Variants in NAALADL2 observed in about 807,000 individuals in gnomAD.
NAALADL2 encodes the protein inactive N-acetylated-alpha-linked acidic dipeptidase-like protein 2.
Under a neutral mutation model 87.2 loss-of-function variants are expected in NAALADL2, and 76 were observed. The observed-to-expected ratio is 0.87, with a 90% CI of 0.72 to 1.05. NAALADL2 has a LOEUF of 1.05. Ranked by LOEUF, NAALADL2 falls within the 50% of genes least tolerant of loss-of-function variation. The pLI is 0.00. For missense variants in NAALADL2, 1,089 were observed against 945.8 expected (o/e 1.15, Z -1.99); for synonymous variants, 354 against 331.0 (o/e 1.07, Z -0.75).
At chr3:175,024,189 A>G (rs1319599074) in intron 1 of NAALADL2, among the ~76,000 whole-genome samples, 1 of 151,836 alleles carries the variant, frequency 6.6e-6, no homozygotes, top group East Asian at 1.9e-4. Flanking sequence ...CACTTTATAT[A>G]TTATATTTAT....
chr3:175,022,746 A>G (rs1751719530), intron 1 of NAALADL2, among the ~76,000 whole-genome samples: 1 of 152,062 alleles, frequency 6.6e-6, no homozygotes, highest in Non-Finnish European at 1.5e-5. Context: ...ATTGACTGGG[A>G]ATGTATTGAC....
In NAALADL2 at chr3:175,809,376, T is replaced by C. The variant is rs2108389494; in HGVS notation, c.*6173T>C. ...AAGGTTTAATGGCAAATATTCCTTA[T>C]ATTCTAACTTGCTACTTGGAGAATA... On this transcript the variant is annotated 3_prime_UTR_variant, in exon 14 of 14. Transcript: ENST00000454872. 6.6e-6 allele frequency: 1 copy of C among 151,892 alleles called. No homozygotes were observed. The highest frequency in any genetic ancestry group is 1.9e-4 in the East Asian group (1 of 5,156). 9.4% of individuals were successfully genotyped at this position (151,892 alleles called of 1,614,324 possible). A position where few individuals can be genotyped will look rare whatever the true frequency, so the allele number is the denominator to read the frequency against.
intron 1 of NAALADL2, among the ~76,000 whole-genome samples, chr3:175,045,441 C>G (rs1754552447): frequency 6.6e-6 from 1 of 152,064 alleles, no homozygotes; most frequent in Non-Finnish European, 1.5e-5. Context: ...ATTTCCTTGA[C>G]TGTTTATCCT....
At chr3:175,542,909 T>C (rs1334354803) in intron 9 of NAALADL2, among the ~76,000 whole-genome samples, 1 of 152,158 alleles carries the variant, frequency 6.6e-6, no homozygotes, top group Non-Finnish European at 1.5e-5. Context: ...GGAAAATGGG[T>C]AATAGACTGG....
chr3:175,756,581 CA>C (rs1747288301), intron 13 of NAALADL2, among the ~76,000 whole-genome samples: 1 of 152,074 alleles, frequency 6.6e-6, no homozygotes, highest in Non-Finnish European at 1.5e-5. Context: ...AACAGAAAAT[CA>C]AATACCGCAT....
intron 3 of NAALADL2, among the ~76,000 whole-genome samples, chr3:174,753,982 C>T (rs1053474073): frequency 6.6e-6 from 1 of 152,122 alleles, no homozygotes; most frequent in Non-Finnish European, 1.5e-5. Flanking sequence ...AGAAAGCCCT[C>T]CCAGGAACCC....
chr3:175,683,759 G>T (rs918503449), intron 11 of NAALADL2, among the ~76,000 whole-genome samples: 1 of 151,860 alleles, frequency 6.6e-6, no homozygotes, highest in Admixed American at 6.6e-5. Flanking sequence ...CTGAAACATT[G>T]TATTGAAGTT....
chr3:175,102,883 G>A (rs1196921269), intron 2 of NAALADL2, among the ~76,000 whole-genome samples: 2 of 152,058 alleles, frequency 1.3e-5, no homozygotes, highest in African/African-American at 4.8e-5. Context: ...GACAAAGCAG[G>A]CAGATCACGA....
chr3:175,206,262 ATTTTTTTT>A (rs372246885), intron 2 of NAALADL2, among the ~76,000 whole-genome samples: 5 of 103,146 alleles, frequency 4.8e-5, no homozygotes, highest in South Asian at 6.4e-4. Context: ...ATATATATAT[ATTTTTTTT>A]TTTCACTGTG....
chr3:175,190,820 C>CA (rs906273664), intron 2 of NAALADL2, among the ~76,000 whole-genome samples: 14 of 150,890 alleles, frequency 9.3e-5, no homozygotes, highest in East Asian at 3.9e-4. Context: ...ACTAAAAATA[C>CA]AAAAAAAATT....
rs1240416099 is a variant in NAALADL2 at position 174,607,876 on chromosome 3, C to G, written c.-115+57239C>G. On this transcript the variant is annotated intron_variant, in intron 2 of 3. Coordinates refer to the NAALADL2 transcript ENST00000434257. ...AACAGAATATACATTTTTTTCAGCA[C>G]CACACCACACCTATTCCAAAATTGA... 2.0e-5 allele frequency among the ~76,000 whole-genome samples: 3 copies of G among 151,824 alleles called. No homozygotes were observed. The South Asian group carries it at 6.3e-4, about 32-fold the overall frequency.
At chr3:174,458,944 G>GT (rs1716029886) in intron 1 of NAALADL2, among the ~76,000 whole-genome samples, 1 of 152,076 alleles carries the variant, frequency 6.6e-6, no homozygotes, top group Non-Finnish European at 1.5e-5. Flanking sequence ...CATGATCAAA[G>GT]TAGCAAGCTA....
chr3:175,168,627 T>C (rs182487879), intron 2 of NAALADL2, among the ~76,000 whole-genome samples: 82 of 152,010 alleles, frequency 5.4e-4, no homozygotes, highest in Admixed American at 2.2e-3. Context: ...TGTAATTTCA[T>C]GAATGTAAAT....
At chr3:175,592,604 T>C (rs530515872) in intron 10 of NAALADL2, among the ~76,000 whole-genome samples, 4 of 152,024 alleles carry the variant, frequency 2.6e-5, no homozygotes, top group East Asian at 3.9e-4. Context: ...ATGGATGCAA[T>C]TGGAAATCAT....
intron 4 of NAALADL2, among the ~76,000 whole-genome samples, chr3:175,310,963 T>A (rs1758288415): frequency 6.6e-6 from 1 of 151,686 alleles, no homozygotes; most frequent in African/African-American, 2.4e-5. Context: ...GTTGATAATA[T>A]TAACAATATA....
chr3:174,705,398 G>A (rs1560158796), intron 2 of NAALADL2, among the ~76,000 whole-genome samples: 1 of 152,156 alleles, frequency 6.6e-6, no homozygotes, highest in Non-Finnish European at 1.5e-5. Flanking sequence ...AATTTGTCCT[G>A]TGACATATCT....
chr3:175,343,440 C>G (rs1762770348), intron 5 of NAALADL2, among the ~76,000 whole-genome samples: 1 of 151,832 alleles, frequency 6.6e-6, no homozygotes, highest in South Asian at 2.1e-4. Flanking sequence ...ATTACAATAC[C>G]TTAAAAAACT....
intron 1 of NAALADL2, among the ~76,000 whole-genome samples, chr3:174,455,576 A>G (rs1475252710): frequency 6.6e-6 from 1 of 152,196 alleles, no homozygotes; most frequent in Non-Finnish European, 1.5e-5. Flanking sequence ...ACATACAGAA[A>G]TCAGTAAGTG....
At chr3:175,216,547 T>G (rs569445063) in intron 2 of NAALADL2, among the ~76,000 whole-genome samples, 15 of 152,236 alleles carry the variant, frequency 9.9e-5, no homozygotes, top group African/African-American at 3.6e-4. Context: ...TGGTAAGTGT[T>G]AGACTATTGG....
Sources: allele counts gnomAD v4.1 joint callset (sites outside exome capture counted in the v4.1 genomes callset), GRCh38; gene constraint gnomAD v4.1.1; transcripts MANE v1.5; gene names NCBI Gene and HGNC (gene_info 2026-07-23, HGNC 2026-07-21).